The following EBF2 variants were observed in gnomAD, a reference collection of about 807,000 sequenced individuals.
EBF2 encodes the protein EBF transcription factor 2, also known as transcription factor COE2.
In EBF2, 21 loss-of-function variants were observed where a neutral mutation model predicts 72.8. The ratio of observed to expected loss-of-function variants is 0.29; its 90% CI spans 0.20 to 0.42. The LOEUF is 0.42. Ranked by LOEUF, EBF2 falls within the 10% of genes least tolerant of loss-of-function variation. The pLI is 1.00. For missense variants in EBF2, 637 were observed against 731.2 expected (o/e 0.87, Z 1.49); for synonymous variants, 299 against 274.2 (o/e 1.09, Z -0.89).
chr8:25,974,254 C>CTCCT (rs1804233194), intron 6 of EBF2, among the ~76,000 whole-genome samples: 1 of 152,216 alleles, frequency 6.6e-6, no homozygotes. Context: ...GGACCCAAGA[C>CTCCT]TCCTCACCTG....
intron 6 of EBF2, among the ~76,000 whole-genome samples, chr8:25,987,326 G>A (rs559921802): frequency 3.4e-4 from 52 of 151,990 alleles, no homozygotes; most frequent in Non-Finnish European, 5.0e-4. Flanking sequence ...ATTATTTCCC[G>A]CCATTTTGCA....
At chr8:25,992,178 A>G (rs1260304761) in intron 6 of EBF2, among the ~76,000 whole-genome samples, 1 of 151,696 alleles carries the variant, frequency 6.6e-6, no homozygotes, top group Non-Finnish European at 1.5e-5. Context: ...GTCTCTGCTA[A>G]AAATACAGAA....
Position 25,850,730 on chromosome 8 carries a change from G to C in EBF2, c.1560C>G (p.Ser520=). The change falls in exon 15 of 16, where the codon TCC becomes TCG. Residue 520 remains serine, a synonymous_variant. Transcript: ENST00000520164. ...AAAATGGGAGGATGGAGGATGTGCT[G>C]GAAGACCCAACGGTGGGACTTGATG... ...IMSSSPTVGS[S]STSSILPFSS... is the part of the protein sequence containing the mutation. The C allele has an allele frequency of 6.4e-7, 1 of 1,562,838 alleles. No homozygotes were observed. The highest frequency in any genetic ancestry group is 8.6e-7 in the Non-Finnish European group (1 of 1,162,210).
chr8:25,950,937 T>C (rs1309821117), intron 6 of EBF2, among the ~76,000 whole-genome samples: 2 of 152,102 alleles, frequency 1.3e-5, no homozygotes, highest in African/African-American at 4.8e-5. Flanking sequence ...TAAAAGGGCT[T>C]CTCCTCCTCC....
At chr8:25,891,866 C>T (rs1802788022) in intron 7 of EBF2, among the ~76,000 whole-genome samples, 1 of 152,176 alleles carries the variant, frequency 6.6e-6, no homozygotes, top group Non-Finnish European at 1.5e-5. Context: ...AAGTGAGCCA[C>T]AGCTCCCAGC....
At position 25,891,139 on chromosome 8, in the gene EBF2, T is replaced by C. The variant is rs142583175; in HGVS notation, c.634-1270A>G. Among the ~76,000 whole-genome samples the C allele has an allele frequency of 5.9e-5, 9 of 152,290 alleles. No individual in the cohort carries two copies. The East Asian group carries it at 1.7e-3, about 29-fold the overall frequency. Reference sequence around the variant, plus strand: ...TTATTTTCTGGCTGGAGAATCATAGTTAACACAGGAAACAAGTAGCACAAA... The same window carrying C: ...TTATTTTCTGGCTGGAGAATCATAGCTAACACAGGAAACAAGTAGCACAAA... On this transcript the variant is annotated intron_variant, in intron 7 of 15. Coordinates refer to ENST00000520164, the MANE Select transcript of EBF2 (RefSeq NM_022659.4).
chr8:25,886,404 C>A (rs2117289266), intron 10 of EBF2, among the ~76,000 whole-genome samples: 1 of 152,294 alleles, frequency 6.6e-6, no homozygotes, highest in East Asian at 1.9e-4. Flanking sequence ...CTAGGCAACT[C>A]TCTTGAATCT....
chr8:25,863,847 C>A (rs1469493387), intron 10 of EBF2, among the ~76,000 whole-genome samples: 1 of 152,114 alleles, frequency 6.6e-6, no homozygotes, highest in Non-Finnish European at 1.5e-5. Context: ...AGATTGAAAC[C>A]TATACACATA....
chr8:25,981,960 T>C lies in EBF2; in HGVS notation c.551+51125A>G, dbSNP rs148878764. The stretch of plus-strand genomic sequence containing the variant: ...TTCACAATTGGATAATAGAATAAAA[T>C]TTTTTGCAAACCAAAGGCTATCTGG... On this transcript the variant is annotated intron_variant, in intron 6 of 15. Coordinates refer to ENST00000520164, the MANE Select transcript of EBF2 (RefSeq NM_022659.4). Among the ~76,000 whole-genome samples, 735 of 152,252 alleles carry C rather than the reference T, an allele frequency of 4.8e-3. 4 individuals are homozygous for C. The highest frequency in any genetic ancestry group is 7.2e-3 in the Non-Finnish European group (492 of 68,022).
chr8:25,875,068 T>C (rs905318314), intron 10 of EBF2, among the ~76,000 whole-genome samples: 3 of 152,116 alleles, frequency 2.0e-5, no homozygotes, highest in Admixed American at 6.5e-5. Context: ...TGGCCTTCTC[T>C]GTCTCCTGCA....
At position 25,969,860 on chromosome 8, in the gene EBF2, G is replaced by A. The variant is rs369111335; in HGVS notation, c.552-61305C>T. ...ACTGAGACTACAGGCACATGCCACC[G>A]TGCCTGACAGCAATATCTGTTTCTT... On this transcript the variant is annotated intron_variant, in intron 6 of 15. Coordinates refer to ENST00000520164, the MANE Select transcript of EBF2 (RefSeq NM_022659.4). 9.9e-4 allele frequency among the ~76,000 whole-genome samples: 150 copies of A among 152,160 alleles called. 1 individual carries two copies. The highest frequency in any genetic ancestry group is 1.7e-3 in the Non-Finnish European group (114 of 68,022).
intron 6 of EBF2, among the ~76,000 whole-genome samples, chr8:25,954,764 C>T (rs1449141384): frequency 1.3e-5 from 2 of 152,138 alleles, no homozygotes; most frequent in Admixed American, 6.5e-5. Flanking sequence ...AAAGCCCTCG[C>T]GGCTCCCCAA....
At chr8:25,991,192 G>A (rs1009099449) in intron 6 of EBF2, among the ~76,000 whole-genome samples, 5 of 152,168 alleles carry the variant, frequency 3.3e-5, no homozygotes, top group Admixed American at 6.5e-5. Flanking sequence ...CAATAATACT[G>A]GGAAAGTTTG....
At chr8:25,864,832 C>T (rs1448022187) in intron 10 of EBF2, among the ~76,000 whole-genome samples, 4 of 148,496 alleles carry the variant, frequency 2.7e-5, no homozygotes, top group African/African-American at 9.9e-5. Flanking sequence ...GAGTCTCACT[C>T]TGTCACCCAG....
At chr8:25,914,633 G>T (rs12542488) in intron 6 of EBF2, among the ~76,000 whole-genome samples, 3 of 152,038 alleles carry the variant, frequency 2.0e-5, no homozygotes, top group Admixed American at 1.3e-4. Flanking sequence ...AGATCTGCTT[G>T]GCAAGATGGT....
chr8:25,959,270 T>C (rs753202244), intron 6 of EBF2, among the ~76,000 whole-genome samples: 1 of 152,210 alleles, frequency 6.6e-6, no homozygotes, highest in Admixed American at 6.5e-5. Flanking sequence ...AGTGGCGTGA[T>C]CTCAGCTCAC....
intron 10 of EBF2, among the ~76,000 whole-genome samples, chr8:25,866,092 A>AT (rs1010196878): frequency 2.0e-5 from 3 of 151,390 alleles, no homozygotes; most frequent in African/African-American, 4.8e-5. Flanking sequence ...AGATATCATT[A>AT]TTTTTTTTCT....
intron 14 of EBF2, among the ~76,000 whole-genome samples, chr8:25,851,598 A>AGAGTACAC (rs1277668894): frequency 6.6e-6 from 1 of 152,212 alleles, no homozygotes; most frequent in African/African-American, 2.4e-5. Context: ...GGAGTAAACT[A>AGAGTACAC]GAGTACACAA....
At chr8:26,038,878 G>A (rs1805551628) in intron 5 of EBF2, among the ~76,000 whole-genome samples, 1 of 152,202 alleles carries the variant, frequency 6.6e-6, no homozygotes, top group Non-Finnish European at 1.5e-5. Context: ...GGGAGACAGG[G>A]CTTCAGGGAG....
Sources: allele counts gnomAD v4.1 joint callset (sites outside exome capture counted in the v4.1 genomes callset), GRCh38; gene constraint gnomAD v4.1.1; transcripts MANE v1.5; gene names NCBI Gene and HGNC (gene_info 2026-07-23, HGNC 2026-07-21).